Variants in ZNF596 observed in about 807,000 individuals in gnomAD.
ZNF596 encodes the protein zinc finger protein 596.
ZNF596 carries 45 observed loss-of-function variants against 48.3 expected under a neutral mutation model. The ratio of observed to expected loss-of-function variants is 0.93; its 90% CI spans 0.73 to 1.19. The LOEUF is 1.19. Among genes scored for constraint, ZNF596 ranks in the 50% most tolerant of loss-of-function variants. ZNF596 has a pLI of 0.00. For missense variants in ZNF596, 848 were observed against 599.7 expected, an observed-to-expected ratio of 1.41 and a Z score of -4.32; for synonymous variants, 270 against 202.0, an observed-to-expected ratio of 1.34 and a Z score of -2.85.
At chr8:238,373 A>G (rs1306003412) in intron 1 of ZNF596, among the ~76,000 whole-genome samples, 1 of 152,108 alleles carries the variant, frequency 6.6e-6, no homozygotes, top group Non-Finnish European at 1.5e-5. Flanking sequence ...GCACAGCTCT[A>G]AGGAAAAATA....
intron 1 of ZNF596, among the ~76,000 whole-genome samples, chr8:239,194 C>G (rs112784415): frequency 2.6e-5 from 4 of 152,184 alleles, no homozygotes; most frequent in African/African-American, 9.6e-5. Flanking sequence ...AACTCCTCCC[C>G]GCCCCCACTG....
At position 242,898 on chromosome 8, in the gene ZNF596, C is replaced by T; in HGVS notation, c.24C>T (p.Thr8=). The stretch of plus-strand genomic sequence containing the variant: ...CCATAATGTTTTAGGATTCCATGAC[C>T]TTCGAGGATATCATTGTAGACTTCA... MPSPDSM[T]FEDIIVDFTQ... is the part of the protein sequence containing the mutation. Residue 8 remains threonine (T), a synonymous_variant, in exon 3 of 6, where the codon ACC becomes ACT. Coordinates refer to ENST00000398612, the MANE Select transcript of ZNF596 (RefSeq NM_001042416.3). The T allele has an allele frequency of 6.4e-7, 1 of 1,571,378 alleles. No individual in the cohort carries two copies. The highest frequency in any genetic ancestry group is 8.7e-7 in the Non-Finnish European group (1 of 1,151,590).
chr8:242,252 G>C (rs1008436356), intron 2 of ZNF596, among the ~76,000 whole-genome samples: 3 of 149,398 alleles, frequency 2.0e-5, no homozygotes, highest in East Asian at 1.9e-4. Flanking sequence ...GTGAACACCT[G>C]AGTTGTGTAG....
At chr8:243,536 C>T in intron 3 of ZNF596, 186 bp from the exon 4 acceptor site, 1 of 478,380 alleles carries the variant, frequency 2.1e-6, no homozygotes, top group South Asian at 3.2e-5. Context: ...TCTTTTATGT[C>T]TGGGAACAAG....
At chr8:234,373 C>G (rs748032550) in intron 1 of ZNF596, 15 of 152,170 alleles carry the variant, frequency 9.9e-5, no homozygotes, top group Non-Finnish European at 1.8e-4. Context: ...GGTTTATTGT[C>G]CTGAATTCCT....
chr8:243,339 GTAAT>G (rs1293389025), intron 3 of ZNF596: 3 of 265,248 alleles, frequency 1.1e-5, no homozygotes, highest in Non-Finnish European at 2.2e-5. Flanking sequence ...TTTCTTTAAA[GTAAT>G]TATTCTATCA....
At chr8:244,781 C>G in intron 5 of ZNF596, 80 bp downstream of exon 5, 1 of 1,143,036 alleles carries the variant, frequency 8.7e-7, no homozygotes. Context: ...GTACAGGTAC[C>G]TGACTGTACT....
rs1321391551 is a variant in ZNF596, at chr8:232,566, G to C, written c.-201G>C. ...GGGGAGTCCCGCGACGCCCGGAAAT[G>C]CTCCGAAGCCTGTCGCCCAGCTGCC... On this transcript the variant is annotated 5_prime_UTR_variant, in exon 1 of 6. An upstream start codon of the reference 5' UTR is lost. Transcript: ENST00000398612. The C allele has an allele frequency of 6.5e-6, 2 of 309,766 alleles. No individual in the cohort carries two copies. The highest frequency in any genetic ancestry group is 1.3e-4 in the East Asian group (1 of 7,908). The allele number at this position is 309,766 out of a possible 1,614,324, so 19.2% of individuals were successfully genotyped here.
At chr8:238,547 T>C (rs1796712817) in intron 1 of ZNF596, among the ~76,000 whole-genome samples, 1 of 141,620 alleles carries the variant, frequency 7.1e-6, no homozygotes, top group Non-Finnish European at 1.5e-5. Context: ...ACACTTGTAA[T>C]CACAGCACTT....
chr8:240,957 C>G, intron 2 of ZNF596, 50 bp downstream of exon 2: 1 of 1,608,796 alleles, frequency 6.2e-7, no homozygotes. Flanking sequence ...CTGTTACCAG[C>G]CTAAGGGCAG....
At chr8:235,131 C>T (rs1305354650) in intron 1 of ZNF596, among the ~76,000 whole-genome samples, 1 of 152,128 alleles carries the variant, frequency 6.6e-6, no homozygotes, top group Admixed American at 6.5e-5. Context: ...GCATTTCATC[C>T]ACACGATGGA....
intron 1 of ZNF596, among the ~76,000 whole-genome samples, chr8:236,685 T>A (rs1331361601): frequency 6.6e-6 from 1 of 152,236 alleles, no homozygotes; most frequent in African/African-American, 2.4e-5. Context: ...AAAATTACTT[T>A]GTGAAAATGA....
chr8:235,840 A>G (rs1425194227), intron 1 of ZNF596, among the ~76,000 whole-genome samples: 1 of 152,210 alleles, frequency 6.6e-6, no homozygotes, highest in South Asian at 2.1e-4. Context: ...AAATATTTAT[A>G]TGACTTATTT....
chr8:240,626 A>C (rs1796814509), intron 1 of ZNF596, 198 bp from the exon 2 acceptor site: 1 of 456,782 alleles, frequency 2.2e-6, no homozygotes, highest in African/African-American at 2.0e-5. Context: ...TCTAGGTCTA[A>C]AATAAAAATA....
chr8:243,727 C>G lies in ZNF596; in HGVS notation c.145C>G (p.Gln49Glu). The G allele has an allele frequency of 6.2e-7, 1 of 1,613,438 alleles. No individual in the cohort carries two copies. Residue 49 changes from glutamine to glutamate, a missense_variant, in exon 4 of 6, where the codon CAG becomes GAG. Physicochemically the swap from Gln to Glu is conservative, Grantham distance 29. Transcript: ENST00000398612. The stretch of plus-strand genomic sequence containing the variant: ...TATCTTTTTCCCCAAAACAGGCAAA[C>G]AGCTCTGCAAATCAGTTGTGCTTTC... ...NISHLVSIGK[Q>E]LCKSVVLSQL... is the part of the protein sequence containing the mutation.
At chr8:244,402 A>T in intron 4 of ZNF596, 2 of 545,544 alleles carry the variant, frequency 3.7e-6, no homozygotes, top group South Asian at 2.4e-5. Context: ...TTCTTTGAAA[A>T]TTTTTCTTTC....
chr8:244,419 C>G (rs772308312), intron 4 of ZNF596, 200 bp from the exon 5 acceptor site: 23 of 559,058 alleles, frequency 4.1e-5, no homozygotes, highest in Non-Finnish European at 6.8e-5. Flanking sequence ...TTTCCTTCCT[C>G]GACTTGCCTT....
At chr8:238,214 G>T (rs1171341041) in intron 1 of ZNF596, among the ~76,000 whole-genome samples, 3 of 152,120 alleles carry the variant, frequency 2.0e-5, no homozygotes, top group Non-Finnish European at 4.4e-5. Context: ...TTTTTAGGAG[G>T]CTTGTGTGGA....
chr8:242,741 A>T, intron 2 of ZNF596, 146 bp from the exon 3 acceptor site: 1 of 620,168 alleles, frequency 1.6e-6, no homozygotes, highest in Non-Finnish European at 2.4e-6. Context: ...GTTCAGATTT[A>T]AAGCAATGTG....
Sources: gnomAD v4.1 joint callset for allele counts (sites outside exome capture counted in the v4.1 genomes callset) on GRCh38, gnomAD v4.1.1 for gene constraint, MANE v1.5 for transcripts, NCBI Gene and HGNC (gene_info 2026-07-23, HGNC 2026-07-21) for gene names.